Variants in CCDC171 observed in about 807,000 individuals in gnomAD.
The protein encoded by CCDC171 is coiled-coil domain containing 171.
In CCDC171, 177 loss-of-function variants were observed where a neutral mutation model predicts 168.2. The ratio of observed to expected loss-of-function variants is 1.05; its 90% CI spans 0.93 to 1.19. The LOEUF is 1.19. Among genes scored for constraint, CCDC171 ranks in the 50% most tolerant of loss-of-function variants. CCDC171 has a pLI of 0.00. For synonymous variants in CCDC171, 687 were observed against 540.8 expected, an observed-to-expected ratio of 1.27 and a Z score of -3.75; for missense variants, 1,991 against 1,539.0, an observed-to-expected ratio of 1.29 and a Z score of -4.91.
At chr9:15,791,627 A>ACT (rs2058269121) in intron 21 of CCDC171, among the ~76,000 whole-genome samples, 1 of 152,130 alleles carries the variant, frequency 6.6e-6, no homozygotes, top group South Asian at 2.1e-4. Flanking sequence ...AACTTCCAAC[A>ACT]CTATGTTGAA....
intron 1 of CCDC171, among the ~76,000 whole-genome samples, chr9:15,563,536 C>G (rs559450843): frequency 9.2e-5 from 14 of 152,256 alleles, no homozygotes; most frequent in African/African-American, 3.4e-4. Flanking sequence ...ATATAAAATA[C>G]CAATTACAGT....
At chr9:15,901,842 A>G (rs1377054063) in intron 24 of CCDC171, among the ~76,000 whole-genome samples, 2 of 152,196 alleles carry the variant, frequency 1.3e-5, no homozygotes, top group Non-Finnish European at 2.9e-5. Context: ...TATGTATGTA[A>G]CTGTTAAGTG....
At chr9:16,099,537 T>G in the CCDC171 span, among the ~76,000 whole-genome samples, 1 of 152,336 alleles carries the variant, frequency 6.6e-6, no homozygotes, top group Admixed American at 6.5e-5. Context: ...TGATGTCCTT[T>G]TCATAAGAAA....
At chr9:15,657,085 A>C in intron 7 of CCDC171, 42 bp from the exon 8 acceptor site, 2 of 1,168,936 alleles carry the variant, frequency 1.7e-6, no homozygotes, top group Non-Finnish European at 2.5e-6. Flanking sequence ...ATCTTCTTTA[A>C]ATACCAATGT....
At chr9:15,629,754 A>C (rs865984602) in intron 7 of CCDC171, among the ~76,000 whole-genome samples, 2 of 152,334 alleles carry the variant, frequency 1.3e-5, no homozygotes, top group South Asian at 4.1e-4. Context: ...AATGAAGGAA[A>C]AAATGTTAAG....
the CCDC171 span, among the ~76,000 whole-genome samples, chr9:16,100,461 G>A: frequency 0.016 from 2,373 of 152,276 alleles, 38 homozygotes; most frequent in Middle Eastern, 0.027. Flanking sequence ...AGAAAGGCCT[G>A]TGGGATCAGC....
At chr9:15,631,220 A>G (rs969571044) in intron 7 of CCDC171, among the ~76,000 whole-genome samples, 8 of 152,036 alleles carry the variant, frequency 5.3e-5, no homozygotes, top group Admixed American at 4.6e-4. Flanking sequence ...TCAAAAAATT[A>G]ATGAATCCAG....
chr9:15,759,798 C>G (rs1380250984), intron 18 of CCDC171, among the ~76,000 whole-genome samples: 1 of 152,046 alleles, frequency 6.6e-6, no homozygotes, highest in Non-Finnish European at 1.5e-5. Flanking sequence ...TTTTCCATTT[C>G]TATTAATATT....
At chr9:16,002,503 G>A (rs942366832) in intron 3 of CCDC171, among the ~76,000 whole-genome samples, 2 of 152,072 alleles carry the variant, frequency 1.3e-5, no homozygotes, top group South Asian at 2.1e-4. Context: ...CGTTGTGTTC[G>A]TGTTTTATGC....
In CCDC171 at chr9:15,835,719, G is replaced by T. The variant is rs138968970; in HGVS notation, c.3268-10983G>T. Among the ~76,000 whole-genome samples, 317 of 152,224 alleles carry T rather than the reference G, an allele frequency of 2.1e-3. 2 individuals carry two copies. The highest frequency in any genetic ancestry group is 7.1e-3 in the African/African-American group (296 of 41,560). Reference sequence around the variant, plus strand: ...TGGGATTACAGGCATGAGCCACTGCGCCTGGCTGTCAGTTGCATTTTTAAT... The same window carrying T: ...TGGGATTACAGGCATGAGCCACTGCTCCTGGCTGTCAGTTGCATTTTTAAT... On this transcript the variant is annotated intron_variant, in intron 21 of 25. Coordinates refer to ENST00000380701, the MANE Select transcript of CCDC171 (RefSeq NM_173550.4).
intron 25 of CCDC171, among the ~76,000 whole-genome samples, chr9:15,961,705 C>T (rs80083077): frequency 0.029 from 4,359 of 152,096 alleles, 231 homozygotes; most frequent in African/African-American, 0.1. Context: ...CATAACTATA[C>T]TAAAATATAT....
intron 24 of CCDC171, chr9:15,875,423 G>T (rs1817709749): frequency 1.3e-5 from 2 of 151,214 alleles, no homozygotes; most frequent in South Asian, 2.1e-4. Context: ...TTCTTAATCT[G>T]ACAAAATGAA....
intron 18 of CCDC171, among the ~76,000 whole-genome samples, chr9:15,771,208 T>A (rs2056995564): frequency 6.6e-6 from 1 of 152,306 alleles, no homozygotes; most frequent in Admixed American, 6.5e-5. Context: ...CATCTTATAC[T>A]TGTGCAGTTA....
chr9:15,801,548 A>G (rs2058821570), intron 21 of CCDC171, among the ~76,000 whole-genome samples: 1 of 152,086 alleles, frequency 6.6e-6, no homozygotes, highest in Non-Finnish European at 1.5e-5. Flanking sequence ...ATATAAGATC[A>G]TATCATCTGC....
chr9:15,905,523 G>C (rs1054113697), intron 24 of CCDC171, among the ~76,000 whole-genome samples: 1 of 152,086 alleles, frequency 6.6e-6, no homozygotes, highest in African/African-American at 2.4e-5. Flanking sequence ...ATTCAAAGCA[G>C]TGTGTAGAGG....
At chr9:16,076,535 C>T in the CCDC171 span, among the ~76,000 whole-genome samples, 1 of 152,328 alleles carries the variant, frequency 6.6e-6, no homozygotes, top group African/African-American at 2.4e-5. Context: ...TGGTCCTGTG[C>T]TGAGCTCCTT....
Position 15,846,774 on chromosome 9 carries a change from C to T in CCDC171, c.3340C>T (p.Gln1114Ter). 6.2e-7 allele frequency: 1 copy of T among 1,612,590 alleles called. No individual in the cohort carries two copies. Among genetic ancestry groups the T allele is most frequent in the Non-Finnish European group, 8.5e-7 (1 of 1,179,266 alleles). The change falls in exon 22 of 26, where the codon CAG (glutamine) becomes TAG (stop). Residue 1114 changes from glutamine to a stop codon, truncating the protein, a stop_gained. Transcript: ENST00000380701. LOFTEE classifies it high-confidence loss of function. ...GCGTCAGCTCAATAGACATCTTACC[C>T]AGCTGGAGCAGGACAAGCGTCGACT... ...SLRQLNRHLTQLEQDKRRLEE... is the reference protein window; with the variant it reads ...SLRQLNRHLT
At chr9:15,607,363 C>T (rs1052451108) in intron 6 of CCDC171, among the ~76,000 whole-genome samples, 5 of 152,128 alleles carry the variant, frequency 3.3e-5, no homozygotes, top group African/African-American at 4.8e-5. Flanking sequence ...AATTTTCTGT[C>T]TGTATACATT....
At chr9:16,090,414 TA>T in the CCDC171 span, among the ~76,000 whole-genome samples, 1 of 151,738 alleles carries the variant, frequency 6.6e-6, no homozygotes, top group African/African-American at 2.4e-5. Context: ...CGGGGCCTGT[TA>T]GGGGGTGGGG....
Sources: gnomAD v4.1 joint callset for allele counts (sites outside exome capture counted in the v4.1 genomes callset) on GRCh38, gnomAD v4.1.1 for gene constraint, MANE v1.5 for transcripts, NCBI Gene and HGNC (gene_info 2026-07-23, HGNC 2026-07-21) for gene names.